The following DLEU7 variants were observed in gnomAD, a reference collection of about 807,000 sequenced individuals.
DLEU7 encodes deleted in lymphocytic leukemia 7.
DLEU7 carries 17 observed loss-of-function variants against 16.0 expected under a neutral mutation model. The observed-to-expected ratio is 1.06, with a 90% CI of 0.73 to 1.59. The LOEUF is 1.59. Ranked by LOEUF, DLEU7 falls within the 40% of genes most tolerant of loss-of-function variation. The pLI is 0.00. For missense variants in DLEU7, 308 were observed against 314.9 expected, an observed-to-expected ratio of 0.98 and a Z score of 0.17; for synonymous variants, 113 against 139.8, an observed-to-expected ratio of 0.81 and a Z score of 1.35.
At chr13:50,770,640 T>G (rs1875274213) in intron 1 of DLEU7, among the ~76,000 whole-genome samples, 1 of 152,252 alleles carries the variant, frequency 6.6e-6, no homozygotes, top group African/African-American at 2.4e-5. Context: ...TCGTGGTGGA[T>G]AAGCTTTTTG....
intron 1 of DLEU7, among the ~76,000 whole-genome samples, chr13:50,731,769 T>C (rs1158160838): frequency 1.3e-5 from 2 of 152,170 alleles, no homozygotes; most frequent in East Asian, 3.8e-4. Flanking sequence ...ACATTTTCCT[T>C]AATTATCTAC....
chr13:50,763,051 G>A (rs892872750), intron 1 of DLEU7, among the ~76,000 whole-genome samples: 2 of 152,124 alleles, frequency 1.3e-5, no homozygotes, highest in Non-Finnish European at 2.9e-5. Flanking sequence ...CCAGAGAGGT[G>A]GGAAGGCAGC....
At chr13:50,771,066 C>T (rs891558353) in intron 1 of DLEU7, among the ~76,000 whole-genome samples, 2 of 152,050 alleles carry the variant, frequency 1.3e-5, no homozygotes, top group Admixed American at 6.5e-5. Flanking sequence ...GAGGTGTTTA[C>T]AGTATTCTCT....
At chr13:50,718,750 A>G (rs1873508460) in intron 1 of DLEU7, among the ~76,000 whole-genome samples, 1 of 152,226 alleles carries the variant, frequency 6.6e-6, no homozygotes, top group Non-Finnish European at 1.5e-5. Flanking sequence ...TGACCATTAA[A>G]TTTGCTGTAA....
At chr13:50,790,630 G>C (rs522338) in intron 1 of DLEU7, among the ~76,000 whole-genome samples, 2,770 of 152,200 alleles carry the variant, frequency 0.018, 91 homozygotes, top group African/African-American at 0.062. Context: ...AGCCAAGCTG[G>C]GATGGTTAGT....
intron 1 of DLEU7, among the ~76,000 whole-genome samples, chr13:50,782,020 G>A (rs1223730654): frequency 6.6e-6 from 1 of 152,082 alleles, no homozygotes; most frequent in Non-Finnish European, 1.5e-5. Context: ...CATAGTGGCT[G>A]CCCTCTAGAA....
chr13:50,808,059 G>A (rs927369345), intron 1 of DLEU7: 1 of 152,192 alleles, frequency 6.6e-6, no homozygotes, highest in Non-Finnish European at 1.5e-5. Context: ...AGCAAATGGA[G>A]CTTTATCAGA....
chr13:50,758,747 A>T (rs1024352276), intron 1 of DLEU7, among the ~76,000 whole-genome samples: 1 of 152,208 alleles, frequency 6.6e-6, no homozygotes. Flanking sequence ...TATAAACACA[A>T]CTGGCTTTCT....
intron 1 of DLEU7, among the ~76,000 whole-genome samples, chr13:50,800,896 T>A (rs927511447): frequency 3.3e-5 from 5 of 152,162 alleles, no homozygotes; most frequent in African/African-American, 7.2e-5. Flanking sequence ...CAGCATACAG[T>A]GCTAGGCTCT....
chr13:50,727,360 G>A (rs1447822434), intron 1 of DLEU7, among the ~76,000 whole-genome samples: 1 of 152,106 alleles, frequency 6.6e-6, no homozygotes, highest in Non-Finnish European at 1.5e-5. Context: ...ATGTGTGCAT[G>A]CATTTAGTGG....
chr13:50,772,431 T>G (rs929330446), intron 1 of DLEU7, among the ~76,000 whole-genome samples: 7 of 152,236 alleles, frequency 4.6e-5, no homozygotes, highest in African/African-American at 1.7e-4. Flanking sequence ...GTTTAGTGCT[T>G]CCTTCAAGAG....
intron 1 of DLEU7, chr13:50,807,964 T>G (rs1876443739): frequency 6.6e-6 from 1 of 152,160 alleles, no homozygotes; most frequent in Admixed American, 6.5e-5. Flanking sequence ...GAGAGGAAGA[T>G]CTACACTACT....
At chr13:50,819,533 C>T (rs1049578681), downstream of DLEU7, among the ~76,000 whole-genome samples, 1 of 152,056 alleles carries the variant, frequency 6.6e-6, no homozygotes, top group Admixed American at 6.6e-5. Flanking sequence ...GACAATAGTG[C>T]CTAGGACCAG....
At chr13:50,742,896 T>TA (rs1349811409) in intron 1 of DLEU7, among the ~76,000 whole-genome samples, 1 of 151,966 alleles carries the variant, frequency 6.6e-6, no homozygotes, top group Non-Finnish European at 1.5e-5. Context: ...ATATAGAGTA[T>TA]AAAAAACCCT....
At chr13:50,820,130 C>T (rs974127554), downstream of DLEU7, among the ~76,000 whole-genome samples, 1 of 152,020 alleles carries the variant, frequency 6.6e-6, no homozygotes, top group Non-Finnish European at 1.5e-5. Flanking sequence ...TGTGAATCTA[C>T]CATGGAATTT....
chr13:50,837,229 G>A (rs568997772), intron 1 of DLEU7, among the ~76,000 whole-genome samples: 7 of 152,314 alleles, frequency 4.6e-5, no homozygotes, highest in African/African-American at 1.7e-4. Flanking sequence ...ATTTCCAGCT[G>A]AAAATCCAGT....
At position 50,823,516 on chromosome 13, in the gene DLEU7, C is replaced by G. The variant is rs1876981413; in HGVS notation, c.464G>C (p.Ser155Thr). 2.0e-6 allele frequency: 3 copies of G among 1,535,786 alleles called. No homozygotes were observed. Among genetic ancestry groups the G allele is most frequent in the Non-Finnish European group, 2.6e-6 (3 of 1,146,646 alleles). ...ACTGCAGATGTTTCTAAACTCAACA[C>G]TATCCTGAAATGAACAACAAACACA... ...ERSFPIHLKD[S>T]VEFRNICSHL... is the part of the protein sequence containing the mutation. The change falls in exon 2 of 2, where the codon AGT becomes ACT. Residue 155 changes from serine (S) to threonine (T), a missense_variant. Transcript: ENST00000504404.
chr13:50,807,240 G>A (rs1876417917), intron 1 of DLEU7, among the ~76,000 whole-genome samples: 1 of 151,920 alleles, frequency 6.6e-6, no homozygotes, highest in Non-Finnish European at 1.5e-5. Flanking sequence ...AAATATCAGA[G>A]ATATAAAATG....
intron 1 of DLEU7, among the ~76,000 whole-genome samples, chr13:50,771,381 G>A (rs955408831): frequency 1.3e-5 from 2 of 152,124 alleles, no homozygotes; most frequent in African/African-American, 2.4e-5. Flanking sequence ...GATCTTCCCT[G>A]CTTTCTCTTG....
Sources: gnomAD v4.1 joint callset for allele counts (sites outside exome capture counted in the v4.1 genomes callset) on GRCh38, gnomAD v4.1.1 for gene constraint, MANE v1.5 for transcripts, NCBI Gene and HGNC (gene_info 2026-07-23, HGNC 2026-07-21) for gene names.